The following KCNH7 variants were observed in gnomAD, a reference collection of about 807,000 sequenced individuals.
KCNH7 encodes voltage-gated inwardly rectifying potassium channel KCNH7.
A neutral mutation model predicts 120.8 loss-of-function variants in KCNH7; 49 were observed. That is an observed-to-expected ratio of 0.41 (90% CI 0.32 to 0.51). KCNH7 has a LOEUF of 0.51. Ranked by LOEUF, KCNH7 falls within the 20% of genes least tolerant of loss-of-function variation. KCNH7 has a pLI of 0.38. For synonymous variants in KCNH7, 547 were observed against 516.1 expected, an observed-to-expected ratio of 1.06 and a Z score of -0.81; for missense variants, 1,097 against 1,446.6, an observed-to-expected ratio of 0.76 and a Z score of 3.92.
At position 162,379,873 on chromosome 2, in the gene KCNH7, C is replaced by T; in HGVS notation, c.3111G>A (p.Leu1037=). Residue 1037 remains leucine, a synonymous_variant, in exon 14 of 16, where the codon CTG becomes CTA. Coordinates refer to ENST00000332142, the MANE Select transcript of KCNH7 (RefSeq NM_033272.4). ...TYGEVEQRLD[L]LQEQLNRLES... is the part of the protein sequence containing the mutation. ...TATACCTGTTAAGTTGCTCCTGGAG[C>T]AGATCTAATCTTTGTTCCACTTCCC... 6.2e-7 allele frequency: 1 copy of T among 1,613,928 alleles called. No individual in the cohort carries two copies. Among genetic ancestry groups the T allele is most frequent in the Non-Finnish European group, 8.5e-7 (1 of 1,179,896 alleles).
chr2:162,558,503 C>CTTTTTTTTTTTTT (rs71410015), intron 2 of KCNH7, among the ~76,000 whole-genome samples: 1 of 80,694 alleles, frequency 1.2e-5, no homozygotes, highest in Non-Finnish European at 2.4e-5. Context: ...TTCTCAATGG[C>CTTTTTTTTTTTTT]TTTTTTTTTT....
chr2:162,553,043 A>G (rs1692730907), intron 2 of KCNH7, among the ~76,000 whole-genome samples: 1 of 152,294 alleles, frequency 6.6e-6, no homozygotes, highest in East Asian at 1.9e-4. Flanking sequence ...CAGCAATAGG[A>G]GAGTAACACA....
At chr2:162,520,948 C>T (rs1215907926) in intron 3 of KCNH7, among the ~76,000 whole-genome samples, 1 of 151,758 alleles carries the variant, frequency 6.6e-6, no homozygotes, top group Admixed American at 6.6e-5. Context: ...TTTAATTCCC[C>T]TTGAGGTCTG....
intron 2 of KCNH7, among the ~76,000 whole-genome samples, chr2:162,656,621 G>C (rs1169744571): frequency 1.3e-5 from 2 of 152,142 alleles, no homozygotes; most frequent in Non-Finnish European, 2.9e-5. Flanking sequence ...ACTGCACCCA[G>C]GGTATGTTAT....
chr2:162,747,029 A>G (rs1317170513), intron 2 of KCNH7, among the ~76,000 whole-genome samples: 2 of 152,200 alleles, frequency 1.3e-5, no homozygotes, highest in South Asian at 2.1e-4. Flanking sequence ...AAAGTATGAA[A>G]ATTCTTAATC....
intron 2 of KCNH7, among the ~76,000 whole-genome samples, chr2:162,781,286 T>G (rs1574381635): frequency 6.6e-6 from 1 of 151,086 alleles, no homozygotes; most frequent in East Asian, 1.9e-4. Context: ...TATTATTAAT[T>G]TTTTTTTTAG....
chr2:162,761,829 G>A (rs903599589), intron 2 of KCNH7, among the ~76,000 whole-genome samples: 1 of 152,076 alleles, frequency 6.6e-6, no homozygotes, highest in Non-Finnish European at 1.5e-5. Flanking sequence ...TGAGTCTATA[G>A]ATCCAGCTGC....
intron 2 of KCNH7, among the ~76,000 whole-genome samples, chr2:162,700,570 G>GA (rs141521361): frequency 6.5e-4 from 99 of 151,824 alleles, no homozygotes; most frequent in Admixed American, 2.6e-3. Context: ...AATTCTACAT[G>GA]AAAAAAAATG....
chr2:162,551,520 T>C (rs1044559051), intron 2 of KCNH7, among the ~76,000 whole-genome samples: 14 of 151,714 alleles, frequency 9.2e-5, no homozygotes, highest in African/African-American at 3.1e-4. Flanking sequence ...TTAATTAAAA[T>C]TAGAAATTAC....
chr2:162,374,983 TAAA>T (rs1686109813), intron 14 of KCNH7, among the ~76,000 whole-genome samples: 2 of 152,208 alleles, frequency 1.3e-5, no homozygotes, highest in Non-Finnish European at 1.5e-5. Context: ...TGCTTCCAAC[TAAA>T]CTAAGCAGAC....
chr2:162,544,941 A>G (rs1191120350), intron 2 of KCNH7, among the ~76,000 whole-genome samples: 2 of 152,190 alleles, frequency 1.3e-5, no homozygotes, highest in African/African-American at 4.8e-5. Context: ...GGATCGCTAC[A>G]TATTATTATT....
rs563374970 is a variant in KCNH7, at chr2:162,474,392, A to G, written c.1129-27949T>C. On this transcript the variant is annotated intron_variant, in intron 6 of 15. Transcript: ENST00000332142. ...AGCAGTTTTTAAAGACCACTTTGCC[A>G]TAGCAAAAATAGTTTCACTGGAGTA... is the stretch of plus-strand genomic sequence containing the variant. Among the ~76,000 whole-genome samples, 9 of 152,386 alleles carry G rather than the reference A, an allele frequency of 5.9e-5. No homozygotes were observed. The South Asian group carries it at 1.4e-3, about 25-fold the overall frequency.
At chr2:162,675,439 T>C (rs1685502018) in intron 2 of KCNH7, among the ~76,000 whole-genome samples, 1 of 151,556 alleles carries the variant, frequency 6.6e-6, no homozygotes, top group Non-Finnish European at 1.5e-5. Flanking sequence ...CCTACAGGAT[T>C]GTTTGGAACA....
chr2:162,813,999 A>G (rs988144951), intron 2 of KCNH7, among the ~76,000 whole-genome samples: 6 of 152,236 alleles, frequency 3.9e-5, no homozygotes, highest in African/African-American at 1.4e-4. Context: ...TCTGACTTTT[A>G]ATAAAGAATT....
In KCNH7 at chr2:162,373,621, T is replaced by A. The variant is rs1686048243; in HGVS notation, c.3173A>T (p.Gln1058Leu). Residue 1058 changes from glutamine (Q) to leucine (L), a missense_variant, in exon 15 of 16, where the codon CAG (glutamine) becomes CTG (leucine). Transcript: ENST00000332142. ...QMTTDIQTIL[Q>L]LLQKQTTVVP... ...CACAGTGGTTTGTTTCTGCAGCAAC[T>A]GTAAGATGGTCTGGATGTCAGTGGT... The A allele has an allele frequency of 3.2e-6, 5 of 1,558,704 alleles. No homozygotes were observed. In the South Asian group the frequency reaches 6.0e-5, roughly 19 times the overall value.
At chr2:162,765,816 G>A (rs181224205) in intron 2 of KCNH7, among the ~76,000 whole-genome samples, 25 of 152,256 alleles carry the variant, frequency 1.6e-4, no homozygotes, top group African/African-American at 5.8e-4. Flanking sequence ...CTGCAGTGCA[G>A]TGGTACAATC....
chr2:162,754,256 T>A lies in KCNH7; in HGVS notation c.307+82281A>T, dbSNP rs900892222. On this transcript the variant is annotated intron_variant, in intron 2 of 15. Transcript: ENST00000332142. ...ACTACAATAGATCAAGAGGCAGCAG[T>A]CTGAAACTGTACAAGAGTAGTAGAA... Among the ~76,000 whole-genome samples the A allele has an allele frequency of 2.0e-5, 3 of 151,922 alleles. No individual in the cohort carries two copies. The East Asian group carries it at 5.8e-4, about 29-fold the overall frequency.
intron 2 of KCNH7, among the ~76,000 whole-genome samples, chr2:162,790,885 C>T (rs765500873): frequency 6.6e-5 from 10 of 151,744 alleles, no homozygotes; most frequent in African/African-American, 1.9e-4. Flanking sequence ...TACTCAATGG[C>T]GAAATGCTGA....
intron 2 of KCNH7, among the ~76,000 whole-genome samples, chr2:162,582,722 A>C (rs1169335925): frequency 6.6e-6 from 1 of 152,118 alleles, no homozygotes; most frequent in East Asian, 1.9e-4. Context: ...AAGTGACAAC[A>C]AAACTGTTCA....
Sources: gnomAD v4.1 joint callset for allele counts (sites outside exome capture counted in the v4.1 genomes callset) on GRCh38, gnomAD v4.1.1 for gene constraint, MANE v1.5 for transcripts, NCBI Gene and HGNC (gene_info 2026-07-23, HGNC 2026-07-21) for gene names.